Variants in RAPGEF4 observed in about 807,000 individuals in gnomAD.
RAPGEF4 encodes RAP guanine-nucleotide-exchange factor (GEF) 4.
RAPGEF4 carries 66 observed loss-of-function variants against 147.9 expected under a neutral mutation model. The ratio of observed to expected loss-of-function variants is 0.45; its 90% CI spans 0.37 to 0.55. The LOEUF (loss-of-function observed/expected upper bound fraction) is 0.55. Ranked by LOEUF, RAPGEF4 falls within the 20% of genes least tolerant of loss-of-function variation. RAPGEF4 has a pLI of 0.00. For missense variants in RAPGEF4, 1,071 were observed against 1,257.3 expected, an observed-to-expected ratio of 0.85 and a Z score of 2.24; for synonymous variants, 419 against 442.7, an observed-to-expected ratio of 0.95 and a Z score of 0.67.
rs1477166975 is a variant in RAPGEF4 at position 172,784,919 on chromosome 2, G to A, written c.66-10106G>A. ...CAGCTCACCACAACCTCCACCTCCC[G>A]GGTTCAAGTGTTTCTCCTGCCTCAG... is the stretch of plus-strand genomic sequence containing the variant. On this transcript the variant is annotated intron_variant, in intron 1 of 30. Coordinates refer to ENST00000397081, the MANE Select transcript of RAPGEF4 (RefSeq NM_007023.4). Among the ~76,000 whole-genome samples, 10 of 151,488 alleles carry A rather than the reference G, an allele frequency of 6.6e-5. 1 individual carries two copies. The highest frequency in any genetic ancestry group is 5.9e-4 in the Admixed American group (9 of 15,212).
chr2:173,046,924 A>G (rs868758357), intron 29 of RAPGEF4, among the ~76,000 whole-genome samples: 1 of 152,134 alleles, frequency 6.6e-6, no homozygotes, highest in Non-Finnish European at 1.5e-5. Context: ...TGACTCATCT[A>G]TGATTTTTTT....
At chr2:172,838,844 G>A (rs900443001) in intron 4 of RAPGEF4, among the ~76,000 whole-genome samples, 8 of 103,868 alleles carry the variant, frequency 7.7e-5, no homozygotes, top group African/African-American at 1.4e-4. Flanking sequence ...TGCATGAAAC[G>A]CGTTAGAGAA....
intron 4 of RAPGEF4, chr2:172,894,294 A>T (rs1188977892): frequency 6.6e-6 from 1 of 152,254 alleles, no homozygotes; most frequent in East Asian, 1.9e-4. Context: ...TCAGTTCATT[A>T]ACAGCTTCAT....
chr2:172,771,549 A>G, intron 1 of RAPGEF4, among the ~76,000 whole-genome samples: 1 of 152,156 alleles, frequency 6.6e-6, no homozygotes, highest in Non-Finnish European at 1.5e-5. Flanking sequence ...TTTCCCCGAA[A>G]TGCATTTCTG....
chr2:172,761,602 T>C (rs767003156), intron 1 of RAPGEF4, among the ~76,000 whole-genome samples: 15 of 152,036 alleles, frequency 9.9e-5, no homozygotes, highest in Non-Finnish European at 1.6e-4. Context: ...CAAGAAGAAT[T>C]ACTAAAAGAA....
At chr2:172,996,445 G>A in intron 15 of RAPGEF4, 21 bp from the exon 16 acceptor site, 2 of 1,416,772 alleles carry the variant, frequency 1.4e-6, no homozygotes, top group Non-Finnish European at 1.9e-6. Context: ...AAAATTAATG[G>A]CATTTTTGTT....
intron 1 of RAPGEF4, 95 bp downstream of exon 1, chr2:172,736,143 G>T (rs1198287176): frequency 1.9e-5 from 20 of 1,039,212 alleles, no homozygotes; most frequent in Non-Finnish European, 2.2e-5. Context: ...CAGCGCGGCC[G>T]GGCTGCGGGT....
At chr2:172,831,265 A>ATTTTTTTTTTTTTTTTTTTTTTT (rs1491195850) in intron 4 of RAPGEF4, among the ~76,000 whole-genome samples, 3 of 16,610 alleles carry the variant, frequency 1.8e-4, no homozygotes, top group Non-Finnish European at 3.0e-4. Flanking sequence ...CAGATAGAAA[A>ATTTTTTTTTTTTTTTTTTTTTTT]CTTTTTTTTT....
chr2:172,804,743 CTTTTTT>C (rs1687315407), intron 3 of RAPGEF4, among the ~76,000 whole-genome samples: 1 of 152,130 alleles, frequency 6.6e-6, no homozygotes, highest in South Asian at 2.1e-4. Flanking sequence ...GATGGGGATC[CTTTTTT>C]GCCCCTGGAT....
intron 4 of RAPGEF4, among the ~76,000 whole-genome samples, chr2:172,816,147 C>T (rs1688481740): frequency 1.3e-5 from 2 of 152,110 alleles, no homozygotes; most frequent in Non-Finnish European, 2.9e-5. Context: ...AATACCCAGT[C>T]TATATTTCAA....
chr2:172,967,331 C>T lies in RAPGEF4; in HGVS notation c.891C>T (p.Ala297=). Residue 297 remains alanine (A), a synonymous_variant, in exon 10 of 31, where the codon GCC becomes GCT. Coordinates refer to ENST00000397081, the MANE Select transcript of RAPGEF4 (RefSeq NM_007023.4). The part of the protein sequence containing the change: ...YRFLDDEHED[A]PLPTEEEKKE... ...TTCTGGATGATGAGCACGAGGATGCCCCTTTGCCTACTGAGGAGGAGAAGA... is the reference window on the plus strand; with the variant it reads ...TTCTGGATGATGAGCACGAGGATGCTCCTTTGCCTACTGAGGAGGAGAAGA... 1.2e-6 allele frequency: 2 copies of T among 1,612,164 alleles called. No individual in the cohort carries two copies. Among genetic ancestry groups the T allele is most frequent in the East Asian group, 2.2e-5 (1 of 44,864 alleles).
intron 29 of RAPGEF4, among the ~76,000 whole-genome samples, chr2:173,046,876 G>A (rs1420821805): frequency 6.6e-6 from 1 of 152,124 alleles, no homozygotes; most frequent in Non-Finnish European, 1.5e-5. Context: ...ATTCAGTGAG[G>A]TATTATGATG....
intron 4 of RAPGEF4, among the ~76,000 whole-genome samples, chr2:172,892,408 G>A (rs1256553275): frequency 6.6e-6 from 1 of 152,146 alleles, no homozygotes; most frequent in Admixed American, 6.5e-5. Flanking sequence ...AGCTGCCACT[G>A]TGACAGACAG....
chr2:172,925,163 T>G (rs1484557103), intron 6 of RAPGEF4, among the ~76,000 whole-genome samples: 3 of 152,186 alleles, frequency 2.0e-5, no homozygotes, highest in Non-Finnish European at 4.4e-5. Context: ...CTATTTTTAG[T>G]AGAGACAGGG....
chr2:173,002,412 T>C (rs904853557), intron 17 of RAPGEF4, among the ~76,000 whole-genome samples: 1 of 152,176 alleles, frequency 6.6e-6, no homozygotes, highest in Non-Finnish European at 1.5e-5. Flanking sequence ...GATGCTGGTA[T>C]GTAGCACAGA....
chr2:172,774,246 G>A (rs1683933954), intron 1 of RAPGEF4, among the ~76,000 whole-genome samples: 1 of 152,132 alleles, frequency 6.6e-6, no homozygotes, highest in Non-Finnish European at 1.5e-5. Flanking sequence ...TTCATTCCCT[G>A]CTAGAAGACT....
In RAPGEF4 at chr2:172,814,286, T is replaced by C. The variant is rs1688294480; in HGVS notation, c.305T>C (p.Val102Ala). 6.2e-7 allele frequency: 1 copy of C among 1,614,174 alleles called. No individual in the cohort carries two copies. Residue 102 changes from valine (V) to alanine (A), a missense_variant, in exon 4 of 31, where the codon GTG (valine) becomes GCG (alanine). Transcript: ENST00000397081. ...GTTTTTTGGGATCCTCAGGATGCTG[T>C]GACCATCTGTACCCTGGGAATTGGG... ...VSETSSHQDA[V>A]TICTLGIGTA...
chr2:173,016,304 C>T, intron 18 of RAPGEF4, 45 bp from the exon 19 acceptor site: 1 of 1,356,430 alleles, frequency 7.4e-7, no homozygotes, highest in Non-Finnish European at 1.1e-6. Context: ...AATCATGTGC[C>T]TTTTGCAGTT....
At chr2:173,003,186 G>A (rs11691292) in intron 17 of RAPGEF4, among the ~76,000 whole-genome samples, 98,359 of 151,652 alleles carry the variant, frequency 0.65, 33,061 homozygotes, top group East Asian at 0.9. Flanking sequence ...CCCCTTCAAG[G>A]GTTGACTGAG....
Sources: gnomAD v4.1 joint callset for allele counts (sites outside exome capture counted in the v4.1 genomes callset) on GRCh38, gnomAD v4.1.1 for gene constraint, MANE v1.5 for transcripts, NCBI Gene and HGNC (gene_info 2026-07-23, HGNC 2026-07-21) for gene names.